MEI4: variants seen among roughly 807,000 people sequenced by gnomAD.
The protein encoded by MEI4 is meiotic double-stranded break formation protein 4, also known as meiosis-specific protein MEI4.
MEI4 carries 27 observed loss-of-function variants against 31.4 expected under a neutral mutation model. The observed-to-expected ratio is 0.86, with a 90% CI of 0.63 to 1.19. The LOEUF is 1.19. Among genes scored for constraint, MEI4 ranks in the 50% most tolerant of loss-of-function variants. The pLI is 0.00. For synonymous variants in MEI4, 122 were observed against 145.4 expected (o/e 0.84, Z 1.16); for missense variants, 329 against 398.9 (o/e 0.82, Z 1.49).
At chr6:77,893,012 A>G (rs532522153) in intron 4 of MEI4, among the ~76,000 whole-genome samples, 1 of 152,254 alleles carries the variant, frequency 6.6e-6, no homozygotes, top group African/African-American at 2.4e-5. Context: ...ATGTCTGTGG[A>G]AAAAGATATT....
chr6:77,716,753 T>G (rs1766590102), intron 2 of MEI4: 1 of 346,458 alleles, frequency 2.9e-6, no homozygotes. Flanking sequence ...TTTTTAAAAT[T>G]TTATTTTACT....
chr6:77,749,310 TAA>T (rs908659137), intron 2 of MEI4, among the ~76,000 whole-genome samples: 11 of 151,700 alleles, frequency 7.3e-5, no homozygotes, highest in African/African-American at 1.2e-4. Flanking sequence ...AGGTGGGTAA[TAA>T]ACTCCTCCAA....
At chr6:77,796,800 A>G (rs1769089526) in intron 3 of MEI4, among the ~76,000 whole-genome samples, 2 of 152,212 alleles carry the variant, frequency 1.3e-5, no homozygotes, top group Non-Finnish European at 2.9e-5. Flanking sequence ...TCCACATTAA[A>G]ATTCCAAAGG....
At chr6:77,655,355 G>A (rs1249612174) in intron 1 of MEI4, among the ~76,000 whole-genome samples, 1 of 152,152 alleles carries the variant, frequency 6.6e-6, no homozygotes, top group African/African-American at 2.4e-5. Flanking sequence ...AAACAGTGCT[G>A]CAATGAGCTC....
At chr6:77,764,742 A>G (rs1308707447) in intron 3 of MEI4, among the ~76,000 whole-genome samples, 1 of 152,216 alleles carries the variant, frequency 6.6e-6, no homozygotes, top group Non-Finnish European at 1.5e-5. Flanking sequence ...TAGAAGTTCA[A>G]AAGCTTTCTA....
rs1766823334 is a variant in MEI4, at chr6:77,925,583, T to A, written c.*2237T>A. On this transcript the variant is annotated 3_prime_UTR_variant, in exon 5 of 5. Coordinates refer to ENST00000684080, the MANE Select transcript of MEI4 (RefSeq NM_001322247.2). ...AGTTTATATTTAGGTAATGTCTAAC[T>A]TTAGAATTAAGGTTTTAGGGATAAG... The A allele has an allele frequency of 6.6e-6, 1 of 151,598 alleles. No homozygotes were observed. The highest frequency in any genetic ancestry group is 6.6e-5 in the Admixed American group (1 of 15,132). 9.4% of individuals were successfully genotyped at this position (151,598 alleles called of 1,614,324 possible). A position where few individuals can be genotyped will look rare whatever the true frequency, so the allele number is the denominator to read the frequency against.
chr6:77,790,631 A>T (rs1451990343), intron 3 of MEI4, among the ~76,000 whole-genome samples: 1 of 152,144 alleles, frequency 6.6e-6, no homozygotes, highest in Non-Finnish European at 1.5e-5. Context: ...ATGGGCATCC[A>T]GATTCATTAT....
intron 2 of MEI4, among the ~76,000 whole-genome samples, chr6:77,696,814 T>C (rs922462956): frequency 1.3e-5 from 2 of 152,142 alleles, no homozygotes; most frequent in African/African-American, 4.8e-5. Context: ...CTTTTTCTAT[T>C]GATTGGAATA....
Position 77,690,810 on chromosome 6 carries a change from T to C in MEI4, c.139T>C (p.Trp47Arg). The C allele has an allele frequency of 1.6e-6, 2 of 1,231,614 alleles. No individual in the cohort carries two copies. Among genetic ancestry groups the C allele is most frequent in the Non-Finnish European group, 2.0e-6 (2 of 987,446 alleles). 76.3% of individuals were successfully genotyped at this position (1,231,614 alleles called of 1,614,324 possible). A position where few individuals can be genotyped will look rare whatever the true frequency, so the allele number is the denominator to read the frequency against. Residue 47 changes from tryptophan (W) to arginine (R), a missense_variant, in exon 2 of 5, where the codon TGG becomes CGG. Physicochemically the swap from Trp to Arg is moderately radical, Grantham distance 101. Transcript: ENST00000684080. ...GTTGCTGTCTGAGGAGCAGTCAAAA[T>C]GGAGATCAAAAGTTGAAATCTTGGA... ...AMLLSEEQSK[W>R]RSKVEILEAE...
intron 2 of MEI4, among the ~76,000 whole-genome samples, chr6:77,707,152 G>T (rs1766352127): frequency 6.6e-6 from 1 of 152,044 alleles, no homozygotes; most frequent in African/African-American, 2.4e-5. Flanking sequence ...AATGGTGATA[G>T]AAATATGGAC....
chr6:77,784,411 A>C (rs1768677641), intron 3 of MEI4, among the ~76,000 whole-genome samples: 1 of 152,158 alleles, frequency 6.6e-6, no homozygotes, highest in African/African-American at 2.4e-5. Flanking sequence ...CTGTTTCGGC[A>C]AATGTTGGGT....
intron 2 of MEI4, among the ~76,000 whole-genome samples, chr6:77,728,855 G>C (rs1766896146): frequency 6.6e-6 from 1 of 152,214 alleles, no homozygotes; most frequent in Admixed American, 6.5e-5. Context: ...TTTCAATACA[G>C]TGGGAATTCT....
chr6:77,784,397 C>A (rs188329939), intron 3 of MEI4, among the ~76,000 whole-genome samples: 68 of 152,224 alleles, frequency 4.5e-4, no homozygotes, highest in Non-Finnish European at 1.8e-4. Context: ...GCATCACATG[C>A]TAGCTGTTTC....
At chr6:77,829,708 C>T (rs1384869403) in intron 4 of MEI4, among the ~76,000 whole-genome samples, 1 of 152,096 alleles carries the variant, frequency 6.6e-6, no homozygotes, top group Non-Finnish European at 1.5e-5. Context: ...TGGTTTATTA[C>T]ATGTATTCCA....
intron 2 of MEI4, among the ~76,000 whole-genome samples, chr6:77,730,783 C>A (rs1235303173): frequency 7.9e-6 from 1 of 127,138 alleles, no homozygotes; most frequent in Non-Finnish European, 1.6e-5. Context: ...GCCCCTCCCC[C>A]CACCCCAAAA....
intron 3 of MEI4, among the ~76,000 whole-genome samples, chr6:77,804,018 T>A (rs984381676): frequency 6.6e-6 from 1 of 152,194 alleles, no homozygotes; most frequent in Non-Finnish European, 1.5e-5. Context: ...GGGACATTTA[T>A]GTCTGCAGAG....
intron 1 of MEI4, among the ~76,000 whole-genome samples, chr6:77,661,109 C>T (rs1411625218): frequency 6.6e-6 from 1 of 152,118 alleles, no homozygotes; most frequent in Non-Finnish European, 1.5e-5. Context: ...TGTAGCATCT[C>T]GAGGACAGGC....
intron 3 of MEI4, among the ~76,000 whole-genome samples, chr6:77,811,384 G>C (rs1769570605): frequency 6.6e-6 from 1 of 152,162 alleles, no homozygotes; most frequent in African/African-American, 2.4e-5. Flanking sequence ...ACTGTGTAAA[G>C]TATGTTTTGA....
chr6:77,720,609 G>T (rs1230257558), intron 2 of MEI4, among the ~76,000 whole-genome samples: 1 of 138,254 alleles, frequency 7.2e-6, no homozygotes, highest in Non-Finnish European at 1.6e-5. Context: ...GAGTGGGCAG[G>T]TGTAAGACTT....
Sources: allele counts gnomAD v4.1 joint callset (sites outside exome capture counted in the v4.1 genomes callset), GRCh38; gene constraint gnomAD v4.1.1; transcripts MANE v1.5; gene names NCBI Gene and HGNC (gene_info 2026-07-23, HGNC 2026-07-21).